The following DPY19L3 variants were observed in gnomAD, a reference collection of about 807,000 sequenced individuals.
The protein encoded by DPY19L3 is protein C-mannosyl-transferase DPY19L3.
DPY19L3 carries 51 observed loss-of-function variants against 92.3 expected under a neutral mutation model. That is an observed-to-expected ratio of 0.55 (90% confidence interval 0.44 to 0.70). The LOEUF (loss-of-function observed/expected upper bound fraction) is 0.70. Among genes scored for constraint, DPY19L3 ranks in the 30% least tolerant of loss-of-function variants. The pLI is 0.00. For synonymous variants in DPY19L3, 309 were observed against 315.2 expected, an observed-to-expected ratio of 0.98 and a Z score of 0.21; for missense variants, 706 against 855.9, an observed-to-expected ratio of 0.82 and a Z score of 2.18.
At chr19:32,456,864 A>G (rs904746091) in intron 10 of DPY19L3, among the ~76,000 whole-genome samples, 1 of 148,076 alleles carries the variant, frequency 6.8e-6, no homozygotes, top group Non-Finnish European at 1.5e-5. Flanking sequence ...ATTAAAAATT[A>G]AAAAGCCTAT....
At chr19:32,478,752 C>G (rs977978623) in intron 17 of DPY19L3, among the ~76,000 whole-genome samples, 3 of 152,190 alleles carry the variant, frequency 2.0e-5, no homozygotes, top group African/African-American at 7.2e-5. Flanking sequence ...TTTAAAGCTG[C>G]TTAATATTTT....
chr19:32,417,370 A>G (rs1394904548), intron 3 of DPY19L3, among the ~76,000 whole-genome samples: 1 of 152,166 alleles, frequency 6.6e-6, no homozygotes, highest in Non-Finnish European at 1.5e-5. Flanking sequence ...TCCAGACTGG[A>G]GTGCAGTGGC....
chr19:32,477,443 AAAAGTTTG>A (rs1970545024), intron 16 of DPY19L3, 71 bp from the exon 17 acceptor site: 2 of 1,565,012 alleles, frequency 1.3e-6, no homozygotes, highest in East Asian at 4.5e-5. Context: ...ATTCTTCTGA[AAAAGTTTG>A]ATATTGTCTT....
intron 16 of DPY19L3, among the ~76,000 whole-genome samples, chr19:32,476,084 A>G (rs571397964): frequency 3.0e-4 from 45 of 152,332 alleles, no homozygotes; most frequent in African/African-American, 1.0e-3. Context: ...AAATGTCACA[A>G]CTTGAATTGT....
chr19:32,484,230 AAC>A lies in DPY19L3; in HGVS notation c.*1993_*1994del, dbSNP rs1856672727. ...ATCTTGCAAGACAGAATCCATACTT[AAC>A]ACTCTTTCCAAGACACTGTGACCAT... On this transcript the variant is annotated 3_prime_UTR_variant, in exon 19 of 19. Coordinates refer to ENST00000392250, the MANE Select transcript of DPY19L3 (RefSeq NM_001172774.2). The A allele has an allele frequency of 1.3e-5, 2 of 152,472 alleles. No individual in the cohort carries two copies. The highest frequency in any genetic ancestry group is 4.8e-5 in the African/African-American group (2 of 41,384). The allele number at this position is 152,472 out of a possible 1,614,324, so 9.4% of individuals were successfully genotyped here.
intron 8 of DPY19L3, among the ~76,000 whole-genome samples, chr19:32,451,157 GC>G (rs1969686950): frequency 6.6e-6 from 1 of 152,160 alleles, no homozygotes; most frequent in Non-Finnish European, 1.5e-5. Flanking sequence ...TGGTCCAGTG[GC>G]AAACAAATTA....
At chr19:32,467,456 A>G in intron 15 of DPY19L3, 6 of 987,506 alleles carry the variant, frequency 6.1e-6, no homozygotes, top group Non-Finnish European at 7.2e-6. Context: ...TTTTTACTAC[A>G]TCTCTTCCAA....
intron 3 of DPY19L3, among the ~76,000 whole-genome samples, chr19:32,429,904 A>G (rs1968899919): frequency 2.0e-5 from 3 of 152,196 alleles, no homozygotes. Context: ...GAGTGATACC[A>G]GGTTGGTTTT....
intron 17 of DPY19L3, among the ~76,000 whole-genome samples, chr19:32,478,407 T>A (rs891843613): frequency 3.3e-5 from 5 of 152,236 alleles, no homozygotes; most frequent in Admixed American, 1.3e-4. Flanking sequence ...TGGTCACGTT[T>A]CTTATGGACC....
At chr19:32,471,912 A>G (rs1045038685) in intron 16 of DPY19L3, among the ~76,000 whole-genome samples, 2 of 152,174 alleles carry the variant, frequency 1.3e-5, no homozygotes, top group Admixed American at 1.3e-4. Flanking sequence ...AAGTTATTTC[A>G]CATCTGAAGT....
intron 8 of DPY19L3, among the ~76,000 whole-genome samples, chr19:32,443,199 C>CTT (rs1304262376): frequency 6.6e-6 from 1 of 152,198 alleles, no homozygotes; most frequent in African/African-American, 2.4e-5. Flanking sequence ...AGAGCCTGAA[C>CTT]TTTCGCCTTC....
intron 3 of DPY19L3, among the ~76,000 whole-genome samples, chr19:32,420,862 A>T (rs566831234): frequency 6.6e-6 from 1 of 152,322 alleles, no homozygotes; most frequent in South Asian, 2.1e-4. Context: ...GAAAAATTTT[A>T]AATGAAAAAC....
intron 16 of DPY19L3, among the ~76,000 whole-genome samples, chr19:32,474,118 A>C (rs1357864795): frequency 6.6e-6 from 1 of 152,200 alleles, no homozygotes; most frequent in Non-Finnish European, 1.5e-5. Context: ...TATTATTTTT[A>C]ATTCATCTTA....
Position 32,432,704 on chromosome 19 carries a change from A to C in DPY19L3, c.238-12A>C, listed in dbSNP as rs1969008877. ...AGGTCACATAAACCCATAGGATCTA[A>C]CTCTGTTTTAGGAAGTGGAGCGAGA... On this transcript the variant is annotated splice_polypyrimidine_tract_variant and intron_variant, in intron 3 of 18. Coordinates refer to ENST00000392250, the MANE Select transcript of DPY19L3 (RefSeq NM_001172774.2). 2 of 1,612,252 alleles carry C rather than the reference A, an allele frequency of 1.2e-6. No homozygotes were observed. The highest frequency in any genetic ancestry group is 2.2e-5 in the South Asian group (2 of 91,002).
Position 32,458,493 on chromosome 19 carries a change from G to A in DPY19L3, c.1306G>A (p.Ala436Thr), listed in dbSNP as rs1292876327. The A allele has an allele frequency of 6.2e-7, 1 of 1,609,936 alleles. No homozygotes were observed. Among genetic ancestry groups the A allele is most frequent in the East Asian group, 2.2e-5 (1 of 44,812 alleles). Reference protein sequence around the residue: ...SITVIVAFVVAFHNLSDSTNQ... With the variant: ...SITVIVAFVVTFHNLSDSTNQ... ...CACAGTGATTGTAGCATTCGTTGTT[G>A]CCTTTCATAATCTCAGGTATGGTAT... Residue 436 changes from alanine to threonine, a missense_variant, in exon 12 of 19, where the codon GCC becomes ACC. Coordinates refer to ENST00000392250, the MANE Select transcript of DPY19L3 (RefSeq NM_001172774.2).
chr19:32,413,913 A>G (rs1968286400), intron 3 of DPY19L3, among the ~76,000 whole-genome samples: 1 of 151,996 alleles, frequency 6.6e-6, no homozygotes, highest in South Asian at 2.1e-4. Context: ...TTTTGTAGAG[A>G]TGGGCCTACT....
At chr19:32,421,385 A>T (rs1014098181) in intron 3 of DPY19L3, among the ~76,000 whole-genome samples, 1 of 152,208 alleles carries the variant, frequency 6.6e-6, no homozygotes, top group Non-Finnish European at 1.5e-5. Flanking sequence ...CACGCCTGTA[A>T]TCCCAGCACT....
At chr19:32,481,172 G>A (rs1757938380) in intron 18 of DPY19L3, 1 of 171,818 alleles carries the variant, frequency 5.8e-6, no homozygotes, top group Non-Finnish European at 1.2e-5. Context: ...TCACCCTTTA[G>A]AGGTGTGATG....
chr19:32,477,738 A>G (rs950470190), intron 17 of DPY19L3, 84 bp downstream of exon 17: 3 of 1,551,744 alleles, frequency 1.9e-6, no homozygotes, highest in African/African-American at 2.7e-5. Flanking sequence ...ATGGGGCTGA[A>G]TGCTGCACCC....
Sources: allele counts gnomAD v4.1 joint callset (sites outside exome capture counted in the v4.1 genomes callset), GRCh38; gene constraint gnomAD v4.1.1; transcripts MANE v1.5; gene names NCBI Gene and HGNC (gene_info 2026-07-23, HGNC 2026-07-21).